The following ENTREP2 variants were observed in gnomAD, a reference collection of about 807,000 sequenced individuals.
ENTREP2 encodes the protein endosomal transmembrane epsin interactor 2, also known as protein ENTREP2.
the ENTREP2 span, among the ~76,000 whole-genome samples, chr15:29,419,137 T>C: frequency 6.6e-6 from 1 of 152,282 alleles, no homozygotes; most frequent in African/African-American, 2.4e-5. Flanking sequence ...AGCACAGTCC[T>C]TGCTTCAATG....
At chr15:29,143,364 A>C in the ENTREP2 span, among the ~76,000 whole-genome samples, 1 of 152,358 alleles carries the variant, frequency 6.6e-6, no homozygotes, top group African/African-American at 2.4e-5. Flanking sequence ...CCTTCCTGCT[A>C]ACATGGAGGA....
the ENTREP2 span, among the ~76,000 whole-genome samples, chr15:29,318,166 A>G: frequency 1.3e-5 from 2 of 152,200 alleles, no homozygotes; most frequent in Non-Finnish European, 2.9e-5. Context: ...CACTGCACAG[A>G]TACTGCGTTG....
chr15:29,626,254 C>A, the ENTREP2 span, among the ~76,000 whole-genome samples: 4 of 152,168 alleles, frequency 2.6e-5, no homozygotes, highest in Non-Finnish European at 5.9e-5. Flanking sequence ...TGTGTCCCCA[C>A]CCAAATCTCA....
the ENTREP2 span, among the ~76,000 whole-genome samples, chr15:29,588,053 T>C: frequency 7.4e-3 from 1,120 of 152,286 alleles, 3 homozygotes; most frequent in Middle Eastern, 0.031. Flanking sequence ...AGTTAAAAGA[T>C]ACAGGCACTG....
the ENTREP2 span, among the ~76,000 whole-genome samples, chr15:29,306,692 TTTTTTTTTTTTTTTG>T: frequency 1.9e-4 from 17 of 88,314 alleles, no homozygotes; most frequent in East Asian, 3.3e-3. Context: ...TTTTTTTTTT[TTTTTTTTTTTTTTTG>T]GAGATAGAGT....
At chr15:29,542,471 T>C in the ENTREP2 span, among the ~76,000 whole-genome samples, 5 of 121,708 alleles carry the variant, frequency 4.1e-5, no homozygotes, top group African/African-American at 1.9e-4. Context: ...GCTAATTTGT[T>C]GTATTTTTTT....
the ENTREP2 span, among the ~76,000 whole-genome samples, chr15:29,476,292 A>G: frequency 1.2e-4 from 19 of 152,236 alleles, no homozygotes; most frequent in African/African-American, 4.6e-4. Context: ...AAGCCACCAT[A>G]AAGTTGACCA....
At chr15:29,254,161 C>CAAAAAAAAAA in the ENTREP2 span, among the ~76,000 whole-genome samples, 4 of 61,334 alleles carry the variant, frequency 6.5e-5, no homozygotes, top group East Asian at 7.6e-4. Context: ...TGTTAAAGAG[C>CAAAAAAAAAA]AAAAAAAAAA....
the ENTREP2 span, among the ~76,000 whole-genome samples, chr15:29,615,229 C>A: frequency 3.3e-5 from 5 of 151,494 alleles, no homozygotes; most frequent in Non-Finnish European, 7.4e-5. Context: ...GATCTCAGCT[C>A]ACTGCAACCT....
chr15:29,657,108 C>G, the ENTREP2 span, among the ~76,000 whole-genome samples: 1 of 152,086 alleles, frequency 6.6e-6, no homozygotes, highest in Non-Finnish European at 1.5e-5. Context: ...AGGGCAGTGG[C>G]GCGGTCTTGG....
the ENTREP2 span, among the ~76,000 whole-genome samples, chr15:29,505,197 C>T: frequency 6.6e-6 from 1 of 152,262 alleles, no homozygotes; most frequent in East Asian, 1.9e-4. The surrounding 1 kb of genome is among the most constrained non-coding windows in gnomAD (Gnocchi z 4.3). Context: ...GCCAGACTGC[C>T]TCTCTAGGTT....
chr15:29,655,317 G>A, the ENTREP2 span, among the ~76,000 whole-genome samples: 1 of 152,104 alleles, frequency 6.6e-6, no homozygotes, highest in African/African-American at 2.4e-5. Flanking sequence ...TGAATCTTGT[G>A]GTTCACTTAG....
chr15:29,498,091 G>A, the ENTREP2 span, among the ~76,000 whole-genome samples: 2 of 152,156 alleles, frequency 1.3e-5, no homozygotes, highest in African/African-American at 4.8e-5. Context: ...TAGTGACTGA[G>A]TTCTCATGAC....
At chr15:29,329,641 C>T in the ENTREP2 span, among the ~76,000 whole-genome samples, 360 of 152,160 alleles carry the variant, frequency 2.4e-3, 3 homozygotes, top group African/African-American at 7.9e-3. Context: ...CCAATTTGCC[C>T]ATGGACTAGG....
At chr15:29,588,813 C>G in the ENTREP2 span, among the ~76,000 whole-genome samples, 4 of 151,478 alleles carry the variant, frequency 2.6e-5, no homozygotes, top group Non-Finnish European at 5.9e-5. Context: ...ATAATGAAAC[C>G]CTGTCTCTAC....
chr15:29,624,488 G>C, the ENTREP2 span, among the ~76,000 whole-genome samples: 11 of 152,248 alleles, frequency 7.2e-5, no homozygotes, highest in East Asian at 1.9e-4. Flanking sequence ...TCAGGGTTAT[G>C]TCTCTCTACA....
At chr15:29,187,136 TC>T in the ENTREP2 span, among the ~76,000 whole-genome samples, 1 of 152,310 alleles carries the variant, frequency 6.6e-6, no homozygotes, top group South Asian at 2.1e-4. Flanking sequence ...GCATCCGTCA[TC>T]CTACTCAACA....
At chr15:29,134,518 C>A in the ENTREP2 span, among the ~76,000 whole-genome samples, 3 of 152,190 alleles carry the variant, frequency 2.0e-5, no homozygotes, top group East Asian at 1.9e-4. Flanking sequence ...CCACAAGCCA[C>A]CCTGAAGGAG....
At chr15:29,495,633 C>T in the ENTREP2 span, among the ~76,000 whole-genome samples, 18 of 152,196 alleles carry the variant, frequency 1.2e-4, no homozygotes, top group Admixed American at 5.2e-4. Flanking sequence ...TGAGGATATC[C>T]AGTTTTCCTA....
Sources: gnomAD v4.1 joint callset for allele counts (sites outside exome capture counted in the v4.1 genomes callset) on GRCh38, gnomAD v4.1.1 for gene constraint, Gnocchi (gnomAD v3.1) non-coding constraint, MANE v1.5 for transcripts, NCBI Gene and HGNC (gene_info 2026-07-23, HGNC 2026-07-21) for gene names.